JARID2: variants seen among roughly 807,000 people sequenced by gnomAD.
The protein encoded by JARID2 is protein Jumonji.
Under a neutral mutation model 125.6 loss-of-function variants are expected in JARID2, and 21 were observed. The ratio of observed to expected loss-of-function variants is 0.17; its 90% CI spans 0.12 to 0.24. JARID2 has a LOEUF of 0.24. Ranked by LOEUF, JARID2 falls within the 10% of genes least tolerant of loss-of-function variation. JARID2 has a pLI of 1.00. For synonymous variants in JARID2, 736 were observed against 661.6 expected (o/e 1.11, Z -1.73); for missense variants, 1,303 against 1,639.6 (o/e 0.79, Z 3.55).
intron 16 of JARID2, among the ~76,000 whole-genome samples, chr6:15,515,105 G>T (rs1174897854): frequency 4.0e-5 from 6 of 151,730 alleles, no homozygotes; most frequent in African/African-American, 1.5e-4. Flanking sequence ...TGGAATGCGT[G>T]CTGTGATCCT....
intron 1 of JARID2, among the ~76,000 whole-genome samples, chr6:15,348,488 A>T (rs1763319447): frequency 6.6e-6 from 1 of 152,190 alleles, no homozygotes; most frequent in African/African-American, 2.4e-5. Context: ...TATATTTTAT[A>T]AACTTCCATG....
At chr6:15,476,882 T>C (rs573421321) in intron 5 of JARID2, among the ~76,000 whole-genome samples, 53 of 152,234 alleles carry the variant, frequency 3.5e-4, no homozygotes, top group Admixed American at 9.2e-4. Flanking sequence ...TTGGTTATTT[T>C]TTCCAGGGGG....
At chr6:15,318,420 G>A (rs1459228000) in intron 1 of JARID2, among the ~76,000 whole-genome samples, 1 of 152,182 alleles carries the variant, frequency 6.6e-6, no homozygotes, top group Admixed American at 6.5e-5. Context: ...CTTTGTTTTC[G>A]TATACCTAGA....
chr6:15,408,611 TTAA>T (rs1765746746), intron 2 of JARID2, among the ~76,000 whole-genome samples: 1 of 152,240 alleles, frequency 6.6e-6, no homozygotes, highest in South Asian at 2.1e-4. Context: ...GAAATCAATG[TTAA>T]TATATTTGAT....
chr6:15,413,027 T>C (rs1358996493), intron 3 of JARID2, among the ~76,000 whole-genome samples: 1 of 134,018 alleles, frequency 7.5e-6, no homozygotes, highest in Admixed American at 7.5e-5. Flanking sequence ...TTTTTTGTTT[T>C]TTTTTTTTTG....
chr6:15,360,459 A>G (rs1290460721), intron 1 of JARID2, among the ~76,000 whole-genome samples: 5 of 152,126 alleles, frequency 3.3e-5, no homozygotes, highest in African/African-American at 1.2e-4. Flanking sequence ...CTGGGATTAC[A>G]GGAGTGAGCC....
At chr6:15,410,103 T>C in intron 2 of JARID2, 121 bp from the exon 3 acceptor site, 1 of 909,300 alleles carries the variant, frequency 1.1e-6, no homozygotes, top group East Asian at 2.6e-5. Context: ...TGTGTGCTTT[T>C]AAATTCTCTT....
At chr6:15,316,324 C>G (rs1466014503) in intron 1 of JARID2, among the ~76,000 whole-genome samples, 2 of 152,052 alleles carry the variant, frequency 1.3e-5, no homozygotes, top group South Asian at 2.1e-4. Context: ...GTCTGTCCAC[C>G]TCGGCCACCC....
chr6:15,510,442 C>T (rs2127762216), intron 12 of JARID2, among the ~76,000 whole-genome samples: 1 of 152,306 alleles, frequency 6.6e-6, no homozygotes, highest in East Asian at 1.9e-4. Context: ...TGGGCAAAAC[C>T]TCCTCCCCTC....
chr6:15,501,630 G>A (rs1012285325), intron 8 of JARID2, among the ~76,000 whole-genome samples: 3 of 152,164 alleles, frequency 2.0e-5, no homozygotes, highest in African/African-American at 7.2e-5. Context: ...ACTGGCTCCT[G>A]GTTGTGGAGC....
chr6:15,361,607 A>G (rs766319633), intron 1 of JARID2, among the ~76,000 whole-genome samples: 1 of 152,204 alleles, frequency 6.6e-6, no homozygotes, highest in African/African-American at 2.4e-5. Flanking sequence ...AGTTGTATGT[A>G]TGCCATACCA....
At chr6:15,318,335 T>C (rs1211005623) in intron 1 of JARID2, among the ~76,000 whole-genome samples, 4 of 152,168 alleles carry the variant, frequency 2.6e-5, no homozygotes, top group Non-Finnish European at 4.4e-5. Context: ...ATGTAGGCAA[T>C]TGGAGAAGGA....
At chr6:15,430,213 T>C (rs1224156581) in intron 3 of JARID2, among the ~76,000 whole-genome samples, 1 of 152,246 alleles carries the variant, frequency 6.6e-6, no homozygotes, top group East Asian at 1.9e-4. Flanking sequence ...ATTTTGTTTT[T>C]TCCTTAGGTA....
chr6:15,413,015 T>G lies in JARID2; in HGVS notation c.323+2650T>G, dbSNP rs974746552. ...GGAAGAGCTTGTGTTTTTGTTTTTT[T>G]TTTTTTTGTTTTTTTTTTTTTGAGA... On this transcript the variant is annotated intron_variant, in intron 3 of 17. Coordinates refer to ENST00000341776, the MANE Select transcript of JARID2 (RefSeq NM_004973.4). Among the ~76,000 whole-genome samples, 12 of 94,436 alleles carry G rather than the reference T, an allele frequency of 1.3e-4. No homozygotes were observed. In the South Asian group the frequency reaches 1.5e-3, roughly 11 times the overall value. 62.0% of individuals were successfully genotyped at this position (94,436 alleles called of 152,430 possible).
chr6:15,497,484 C>T (rs1338749482), intron 7 of JARID2, among the ~76,000 whole-genome samples: 1 of 151,934 alleles, frequency 6.6e-6, no homozygotes. Context: ...CCCGTCTCTA[C>T]TAAAAATACA....
At chr6:15,281,460 A>G (rs886838107) in intron 1 of JARID2, among the ~76,000 whole-genome samples, 1 of 152,128 alleles carries the variant, frequency 6.6e-6, no homozygotes, top group Non-Finnish European at 1.5e-5. Context: ...CTTATCTCCT[A>G]TTGTACTGCC....
At chr6:15,304,753 T>A (rs1352991856) in intron 1 of JARID2, among the ~76,000 whole-genome samples, 46 of 152,198 alleles carry the variant, frequency 3.0e-4, no homozygotes, top group Admixed American at 3.0e-3. Flanking sequence ...CTGGCCAATT[T>A]ACTTAGTATC....
intron 3 of JARID2, among the ~76,000 whole-genome samples, chr6:15,424,884 ACAACAAAC>A (rs1473889101): frequency 1.3e-5 from 2 of 152,314 alleles, no homozygotes; most frequent in African/African-American, 4.8e-5. Context: ...AACAACAACA[ACAACAAAC>A]CAGCAAACAC....
Position 15,246,447 on chromosome 6 carries a change from T to C in JARID2, c.-93T>C. 9.3e-7 allele frequency: 1 copy of C among 1,070,270 alleles called. No homozygotes were observed. Among genetic ancestry groups the C allele is most frequent in the Non-Finnish European group, 1.4e-6 (1 of 700,174 alleles). The allele number at this position is 1,070,270 out of a possible 1,614,324, so 66.3% of individuals were successfully genotyped here. ...CAAGATCAACCACCACCAACAACAA[T>C]AAAAACCACCAGGATATTTTTTTGC... On this transcript the variant is annotated 5_prime_UTR_variant, in exon 1 of 18. Coordinates refer to ENST00000341776, the MANE Select transcript of JARID2 (RefSeq NM_004973.4).
Sources: allele counts gnomAD v4.1 joint callset (sites outside exome capture counted in the v4.1 genomes callset), GRCh38; gene constraint gnomAD v4.1.1; transcripts MANE v1.5; gene names NCBI Gene and HGNC (gene_info 2026-07-23, HGNC 2026-07-21).